The following SCD5 variants were observed in gnomAD, a reference collection of about 807,000 sequenced individuals.
The protein encoded by SCD5 is acyl-CoA-desaturase 4.
In SCD5, 20 loss-of-function variants were observed where a neutral mutation model predicts 30.4. The observed-to-expected ratio is 0.66, with a 90% CI of 0.46 to 0.96. The LOEUF is 0.96. Ranked by LOEUF, SCD5 falls within the 40% of genes least tolerant of loss-of-function variation. SCD5 has a pLI of 0.00. For missense variants in SCD5, 381 were observed against 443.3 expected, an observed-to-expected ratio of 0.86 and a Z score of 1.26; for synonymous variants, 173 against 176.4, an observed-to-expected ratio of 0.98 and a Z score of 0.16.
At chr4:82,700,120 G>GGCAT (rs1719786992) in intron 2 of SCD5, among the ~76,000 whole-genome samples, 3 of 152,048 alleles carry the variant, frequency 2.0e-5, no homozygotes, top group Admixed American at 2.0e-4. Flanking sequence ...GGGTGGCTTA[G>GGCAT]GCATGAGAAT....
In SCD5 at chr4:82,665,074, ATATT is replaced by A. The variant is rs1402328199; in HGVS notation, c.569+15629_569+15632del. Reference sequence around the variant, plus strand: ...TATACACACACACATATATATATATATATTTTTTTTTTAATTTAATCAGGCATGG... The same window carrying A: ...TATACACACACACATATATATATATATTTTTTTTAATTTAATCAGGCATGG... On this transcript the variant is annotated intron_variant, in intron 3 of 4. Coordinates refer to ENST00000319540, the MANE Select transcript of SCD5 (RefSeq NM_001037582.3). Among the ~76,000 whole-genome samples, 71 of 79,644 alleles carry A rather than the reference ATATT, an allele frequency of 8.9e-4. 1 individual carries two copies. The highest frequency in any genetic ancestry group is 6.0e-3 in the Middle Eastern group (1 of 168). The allele number at this position is 79,644 out of a possible 152,430, so 52.2% of individuals were successfully genotyped here. A position where few individuals can be genotyped will look rare whatever the true frequency, so the allele number is the denominator to read the frequency against.
chr4:82,692,740 A>C (rs531917444), intron 2 of SCD5, among the ~76,000 whole-genome samples: 1 of 152,270 alleles, frequency 6.6e-6, no homozygotes, highest in African/African-American at 2.4e-5. Context: ...CCTCTCAAAA[A>C]CCACCCAGCC....
At position 82,739,666 on chromosome 4, in the gene SCD5, C is replaced by T. The variant is rs193085506; in HGVS notation, c.233-34253G>A. On this transcript the variant is annotated intron_variant, in intron 1 of 4. Transcript: ENST00000319540. ...GAAAGAAATGCACTATGATTCAGAT[C>T]GGCCAAGGCTTGGAAGAGGACAAGA... 4.1e-3 allele frequency among the ~76,000 whole-genome samples: 620 copies of T among 152,294 alleles called. 4 individuals are homozygous for T. The highest frequency in any genetic ancestry group is 6.4e-3 in the Non-Finnish European group (432 of 68,026).
intron 1 of SCD5, among the ~76,000 whole-genome samples, chr4:82,706,032 AG>A (rs2148827711): frequency 6.6e-6 from 1 of 152,368 alleles, no homozygotes; most frequent in Admixed American, 6.5e-5. Flanking sequence ...CTTACTTGAA[AG>A]GTTAAAAGCA....
rs566004508 is a variant in SCD5 at position 82,758,985 on chromosome 4, G to A, written c.232+39321C>T. Among the ~76,000 whole-genome samples, 18 of 152,276 alleles carry A rather than the reference G, an allele frequency of 1.2e-4. No homozygotes were observed. The South Asian group carries it at 3.3e-3, about 28-fold the overall frequency. On this transcript the variant is annotated intron_variant, in intron 1 of 4. Transcript: ENST00000319540. Reference sequence around the variant, plus strand: ...GAGGCACACCCTGACTCAAGCCTCCGCCCCAGCGCCCCGCTGACACCGGCA... The same window carrying A: ...GAGGCACACCCTGACTCAAGCCTCCACCCCAGCGCCCCGCTGACACCGGCA...
chr4:82,731,276 GC>G (rs1373836617), intron 1 of SCD5, among the ~76,000 whole-genome samples: 4 of 152,182 alleles, frequency 2.6e-5, no homozygotes, highest in Non-Finnish European at 5.9e-5. Flanking sequence ...ACGGAACACA[GC>G]TGCTGGGTCA....
chr4:82,727,417 T>G (rs1433824361), intron 1 of SCD5, among the ~76,000 whole-genome samples: 1 of 152,194 alleles, frequency 6.6e-6, no homozygotes, highest in African/African-American at 2.4e-5. Flanking sequence ...CCTCTATGAG[T>G]ATACAGGTCC....
At chr4:82,780,960 A>C (rs914640531) in intron 1 of SCD5, among the ~76,000 whole-genome samples, 13 of 152,142 alleles carry the variant, frequency 8.5e-5, no homozygotes, top group African/African-American at 3.1e-4. Flanking sequence ...CAACAGTTAG[A>C]GGTGGGCCCT....
At position 82,705,428 on chromosome 4, in the gene SCD5, C is replaced by A; in HGVS notation, c.233-15G>T. 6.2e-7 allele frequency: 1 copy of A among 1,614,026 alleles called. No individual in the cohort carries two copies. The highest frequency in any genetic ancestry group is 8.5e-7 in the Non-Finnish European group (1 of 1,179,940). On this transcript the variant is annotated splice_polypyrimidine_tract_variant and intron_variant, in intron 1 of 4. Coordinates refer to ENST00000319540, the MANE Select transcript of SCD5 (RefSeq NM_001037582.3). The stretch of plus-strand genomic sequence containing the variant: ...GCAGAAGTAGGCTGCAAGACACAAG[C>A]AGGGACAACGTCAACAATGGTCCCT...
chr4:82,636,442 C>A (rs1727431576), intron 4 of SCD5, 149 bp downstream of exon 4: 1 of 631,838 alleles, frequency 1.6e-6, no homozygotes, highest in African/African-American at 2.1e-5. Context: ...CAGAGTGAGA[C>A]TCTATCTCGG....
intron 1 of SCD5, among the ~76,000 whole-genome samples, chr4:82,716,093 T>C (rs1720220306): frequency 6.6e-6 from 1 of 151,932 alleles, no homozygotes; most frequent in Non-Finnish European, 1.5e-5. Context: ...ATAAACTAGT[T>C]CAGCCTGAGA....
At chr4:82,752,691 T>C (rs979603975) in intron 1 of SCD5, among the ~76,000 whole-genome samples, 2 of 152,130 alleles carry the variant, frequency 1.3e-5, no homozygotes, top group Non-Finnish European at 2.9e-5. Context: ...TTTGTTTGCA[T>C]GGAATCCTCG....
At chr4:82,788,369 T>C (rs371685334) in intron 1 of SCD5, among the ~76,000 whole-genome samples, 126 of 152,294 alleles carry the variant, frequency 8.3e-4, no homozygotes, top group Middle Eastern at 6.8e-3. Flanking sequence ...AAGGGACGCA[T>C]GACACAATCC....
At chr4:82,732,982 T>G (rs753521516) in intron 1 of SCD5, among the ~76,000 whole-genome samples, 1 of 152,084 alleles carries the variant, frequency 6.6e-6, no homozygotes, top group Non-Finnish European at 1.5e-5. Flanking sequence ...GTTCCCAAAT[T>G]AATGATGATG....
chr4:82,788,888 G>A (rs1722041470), intron 1 of SCD5, among the ~76,000 whole-genome samples: 1 of 152,176 alleles, frequency 6.6e-6, no homozygotes, highest in African/African-American at 2.4e-5. Flanking sequence ...AAGCCACCAT[G>A]GCAGAAAACA....
At chr4:82,700,358 G>GT (rs1309175981) in intron 2 of SCD5, among the ~76,000 whole-genome samples, 1 of 152,026 alleles carries the variant, frequency 6.6e-6, no homozygotes, top group Non-Finnish European at 1.5e-5. Flanking sequence ...TACACTTAGG[G>GT]TTTACACCAT....
At chr4:82,734,388 C>A (rs1178672061) in intron 1 of SCD5, among the ~76,000 whole-genome samples, 1 of 152,182 alleles carries the variant, frequency 6.6e-6, no homozygotes, top group African/African-American at 2.4e-5. Flanking sequence ...TGACTTTCTC[C>A]GACATCCACT....
intron 3 of SCD5, among the ~76,000 whole-genome samples, chr4:82,646,000 C>G (rs1182659186): frequency 6.6e-6 from 1 of 152,072 alleles, no homozygotes; most frequent in African/African-American, 2.4e-5. Context: ...TGTGTGAGAT[C>G]TTGAGAGTGA....
intron 1 of SCD5, among the ~76,000 whole-genome samples, chr4:82,797,886 G>A (rs939560851): frequency 2.0e-5 from 3 of 152,150 alleles, no homozygotes; most frequent in Non-Finnish European, 4.4e-5. Context: ...GGGGGGGATA[G>A]GAGAGCCCCA....
Sources: gnomAD v4.1 joint callset for allele counts (sites outside exome capture counted in the v4.1 genomes callset) on GRCh38, gnomAD v4.1.1 for gene constraint, MANE v1.5 for transcripts, NCBI Gene and HGNC (gene_info 2026-07-23, HGNC 2026-07-21) for gene names.